The following PRKDC variants were observed in gnomAD, a reference collection of about 807,000 sequenced individuals.
PRKDC encodes DNA-dependent protein kinase catalytic subunit.
A neutral mutation model predicts 486.9 loss-of-function variants in PRKDC; 82 were observed. The ratio of observed to expected loss-of-function variants is 0.17; its 90% confidence interval spans 0.14 to 0.20. The LOEUF is 0.20. Among genes scored for constraint, PRKDC ranks in the 10% least tolerant of loss-of-function variants. PRKDC has a pLI of 1.00. For missense variants in PRKDC, 4,504 were observed against 5,038.2 expected (o/e 0.89, Z 3.21); for synonymous variants, 1,895 against 1,837.0 (o/e 1.03, Z -0.81).
chr8:47,831,060 C>G (rs1284228055), intron 60 of PRKDC, among the ~76,000 whole-genome samples: 1 of 152,244 alleles, frequency 6.6e-6, no homozygotes, highest in Non-Finnish European at 1.5e-5. Flanking sequence ...ACGAGGCCGG[C>G]AGCCGGTCCC....
intron 4 of PRKDC, 143 bp from the exon 5 acceptor site, chr8:47,954,589 GGTGT>G: frequency 2.7e-6 from 1 of 364,484 alleles, no homozygotes. Context: ...TTCAGAATTA[GGTGT>G]GTCTCAAGGA....
At position 47,881,440 on chromosome 8, in the gene PRKDC, G is replaced by A; in HGVS notation, c.5043C>T (p.Asp1681=). 1 of 1,562,610 alleles carries A rather than the reference G, an allele frequency of 6.4e-7. No homozygotes were observed. The highest frequency in any genetic ancestry group is 1.1e-5 in the South Asian group (1 of 88,168). ...CCTTTAAATGTAGATCCAGCTTTGT[G>A]TCAGCAAGTAGACTAATATATGTTG... ...VFTTYISLLA[D]TKLDLHLKGQ... The change falls in exon 38 of 86, where the codon GAC becomes GAT. Residue 1681 remains aspartate, a synonymous_variant. Coordinates refer to ENST00000314191, the MANE Select transcript of PRKDC (RefSeq NM_006904.7).
Position 47,807,196 on chromosome 8 carries a change from G to C in PRKDC, c.9688C>G (p.Leu3230Val), listed in dbSNP as rs148314964. ...ATGGAAAACTTGCAACTCCTGATCAGGGAGCTGATATCTTCTTCCTGCTCT... is the reference window on the plus strand; with the variant it reads ...ATGGAAAACTTGCAACTCCTGATCACGGAGCTGATATCTTCTTCCTGCTCT... ...VQEQEEDISS[L>V]IRSCKFSMKM... The change falls in exon 69 of 86, where the codon CTG becomes GTG. Residue 3230 changes from leucine (L) to valine (V), a missense_variant. Coordinates refer to ENST00000314191, the MANE Select transcript of PRKDC (RefSeq NM_006904.7). The C allele has an allele frequency of 6.2e-7, 1 of 1,613,870 alleles. No homozygotes were observed. Among genetic ancestry groups the C allele is most frequent in the African/African-American group, 1.3e-5 (1 of 75,022 alleles).
chr8:47,848,747 C>T (rs569720164), intron 54 of PRKDC, among the ~76,000 whole-genome samples: 80 of 151,712 alleles, frequency 5.3e-4, no homozygotes, highest in African/African-American at 1.7e-3. Flanking sequence ...CAGCAGCTTT[C>T]TCTTTTAACA....
chr8:47,921,792 T>C (rs1301043734), intron 21 of PRKDC, among the ~76,000 whole-genome samples: 1 of 152,212 alleles, frequency 6.6e-6, no homozygotes, highest in East Asian at 1.9e-4. Context: ...ATGCTTTTGA[T>C]TTTCTTTTTG....
chr8:47,854,034 AT>A, intron 51 of PRKDC, 48 bp downstream of exon 51: 2 of 1,603,470 alleles, frequency 1.2e-6, no homozygotes, highest in Non-Finnish European at 1.7e-6. Flanking sequence ...AAGTCTGTCA[AT>A]CCAGTTTGGG....
rs536421408 is a variant in PRKDC at position 47,901,959 on chromosome 8, T to G, written c.3269+610A>C. On this transcript the variant is annotated intron_variant, in intron 27 of 85. Coordinates refer to ENST00000314191, the MANE Select transcript of PRKDC (RefSeq NM_006904.7). ...CAGTCTTCAGTCTACTCAGACCCACTCTCTACACAGCTACCAGCAAGTGGA... is the reference window on the plus strand; with the variant it reads ...CAGTCTTCAGTCTACTCAGACCCACGCTCTACACAGCTACCAGCAAGTGGA... Among the ~76,000 whole-genome samples the G allele has an allele frequency of 4.6e-5, 7 of 152,100 alleles. No homozygotes were observed. The South Asian group carries it at 1.2e-3, about 27-fold the overall frequency.
In PRKDC at chr8:47,953,922, G is replaced by T; in HGVS notation, c.509-3C>A. The T allele has an allele frequency of 1.3e-6, 2 of 1,511,078 alleles. No individual in the cohort carries two copies. Among genetic ancestry groups the T allele is most frequent in the South Asian group, 1.3e-5 (1 of 77,528 alleles). The allele number at this position is 1,511,078 out of a possible 1,614,324, so 93.6% of individuals were successfully genotyped here. A position where few individuals can be genotyped will look rare whatever the true frequency, so the allele number is the denominator to read the frequency against. ...GAGCTCATATACTTTTTCTAAAACT[G>T]AAAAGAAAATTTTAGACAAGTGAAG... On this transcript the variant is annotated splice_polypyrimidine_tract_variant and splice_region_variant and intron_variant, in intron 5 of 85. Transcript: ENST00000314191.
Position 47,803,322 on chromosome 8 carries a change from T to C in PRKDC, c.9906A>G (p.Lys3302=). Residue 3302 remains lysine (K), a synonymous_variant, in exon 70 of 86, where the codon AAA becomes AAG. Transcript: ENST00000314191. ...GCSEQVLTVL[K]TVSLLDENNV... ...TCAACTTACCCAACAAAGAGACTGT[T>C]TTCAGCACAGTGAGCACCTGCTCAG... 1 of 1,612,012 alleles carries C rather than the reference T, an allele frequency of 6.2e-7. No homozygotes were observed. Among genetic ancestry groups the C allele is most frequent in the African/African-American group, 1.3e-5 (1 of 74,970 alleles).
intron 31 of PRKDC, among the ~76,000 whole-genome samples, chr8:47,891,503 G>C (rs1162852416): frequency 6.6e-6 from 1 of 152,034 alleles, no homozygotes; most frequent in African/African-American, 2.4e-5. Flanking sequence ...GGCGGATCAC[G>C]AGGTCAGGAG....
rs2087529628 is a variant in PRKDC at position 47,819,378 on chromosome 8, A to C, written c.9445+24T>G. The C allele has an allele frequency of 2.8e-6, 4 of 1,407,550 alleles. No homozygotes were observed. In the South Asian group the frequency reaches 4.0e-5, roughly 14 times the overall value. 87.2% of individuals were successfully genotyped at this position (1,407,550 alleles called of 1,614,324 possible). ...ACTCTTCCACAATTAGAAATGAAAA[A>C]AAAAGACCGATGAAAAAAATTACCT... On this transcript the variant is annotated intron_variant, in intron 67 of 85. Transcript: ENST00000314191.
Position 47,893,244 on chromosome 8 carries a change from A to C in PRKDC, c.3742T>G (p.Phe1248Val), listed in dbSNP as rs2154501970. The C allele has an allele frequency of 1.9e-6, 3 of 1,612,644 alleles. No individual in the cohort carries two copies. In the South Asian group the frequency reaches 3.3e-5, roughly 18 times the overall value. The change falls in exon 31 of 86, where the codon TTC (phenylalanine) becomes GTC (valine). Residue 1248 changes from phenylalanine (F) to valine (V), a missense_variant. Coordinates refer to ENST00000314191, the MANE Select transcript of PRKDC (RefSeq NM_006904.7). ...CAGCATAGCGTGGCCTGCAGGCTGA[A>C]TGGCCCCCGAAGGTACAAGAGGGTG... is the stretch of plus-strand genomic sequence containing the variant. ...QPTLLYLRGP[F>V]SLQATLCWLD...
chr8:47,861,437 T>C (rs1487103360), intron 44 of PRKDC, among the ~76,000 whole-genome samples: 1 of 152,208 alleles, frequency 6.6e-6, no homozygotes, highest in Non-Finnish European at 1.5e-5. Flanking sequence ...ACAATCCTAG[T>C]CTTGTTCAGA....
intron 40 of PRKDC, among the ~76,000 whole-genome samples, chr8:47,865,845 A>G (rs772510447): frequency 7.2e-5 from 11 of 152,128 alleles, no homozygotes; most frequent in Non-Finnish European, 1.5e-4. Context: ...TTGGGAGGTG[A>G]TCAGTGCCCT....
chr8:47,934,172 A>G, intron 14 of PRKDC, 82 bp from the exon 15 acceptor site: 1 of 1,455,780 alleles, frequency 6.9e-7, no homozygotes, highest in Non-Finnish European at 9.2e-7. Context: ...GGTTTTCAGA[A>G]TTTTCTAAAT....
rs750171305 is a variant in PRKDC, at chr8:47,858,933, C to T, written c.6261G>A (p.Glu2087=). 1.9e-6 allele frequency: 3 copies of T among 1,613,718 alleles called. No individual in the cohort carries two copies. The highest frequency in any genetic ancestry group is 2.5e-6 in the Non-Finnish European group (3 of 1,179,890). ...GCGCCATGCACTCATGCCGATTGAG[C>T]TCGTCCATCTCCAGCTCCAGCACAT... ...HDDVLELEMD[E]LNRHECMAPL... The change falls in exon 47 of 86, where the codon GAG becomes GAA. Residue 2087 remains glutamate, a synonymous_variant. Transcript: ENST00000314191.
chr8:47,820,132 G>A (rs1221917293), intron 66 of PRKDC, among the ~76,000 whole-genome samples: 3 of 152,148 alleles, frequency 2.0e-5, no homozygotes, highest in African/African-American at 4.8e-5. Context: ...TCTACTCTTG[G>A]TCAGGAGCGT....
chr8:47,835,892 G>A (rs994771191), intron 58 of PRKDC, among the ~76,000 whole-genome samples: 11 of 151,952 alleles, frequency 7.2e-5, no homozygotes, highest in African/African-American at 2.7e-4. Flanking sequence ...TTCCCCCGTA[G>A]CTGGGACTAA....
At chr8:47,831,034 G>A (rs1297226253) in intron 60 of PRKDC, among the ~76,000 whole-genome samples, 1 of 152,198 alleles carries the variant, frequency 6.6e-6, no homozygotes, top group Non-Finnish European at 1.5e-5. Flanking sequence ...TGCATCTCTG[G>A]AAAGTCTCAC....
Sources: allele counts gnomAD v4.1 joint callset (sites outside exome capture counted in the v4.1 genomes callset), GRCh38; gene constraint gnomAD v4.1.1; transcripts MANE v1.5; gene names NCBI Gene and HGNC (gene_info 2026-07-23, HGNC 2026-07-21).